NAV2: variants seen among roughly 807,000 people sequenced by gnomAD.
The protein encoded by NAV2 is neuron navigator 2.
A neutral mutation model predicts 223.2 loss-of-function variants in NAV2; 54 were observed. That is an observed-to-expected ratio of 0.24 (90% CI 0.19 to 0.30). NAV2 has a LOEUF of 0.30. NAV2 is among the 10% of genes least tolerant of loss of function. The pLI, the probability that NAV2 is intolerant of heterozygous loss-of-function variation, is 1.00. For missense variants in NAV2, 2,806 were observed against 3,147.5 expected (o/e 0.89, Z 2.60); for synonymous variants, 1,279 against 1,239.3 (o/e 1.03, Z -0.67).
intron 1 of NAV2, among the ~76,000 whole-genome samples, chr11:19,541,291 C>A (rs937075342): frequency 1.3e-5 from 2 of 152,168 alleles, no homozygotes; most frequent in Non-Finnish European, 2.9e-5. Context: ...ACTATCCCAC[C>A]CTTTCTACCA....
At chr11:19,501,558 G>A (rs1334158578) in intron 1 of NAV2, among the ~76,000 whole-genome samples, 1 of 151,968 alleles carries the variant, frequency 6.6e-6, no homozygotes, top group Non-Finnish European at 1.5e-5. Context: ...AGGCAGAGTC[G>A]CCTTTGAGTA....
chr11:19,925,475 G>A (rs2044662112), intron 6 of NAV2, among the ~76,000 whole-genome samples: 1 of 152,190 alleles, frequency 6.6e-6, no homozygotes, highest in Non-Finnish European at 1.5e-5. Flanking sequence ...TCCAGGCCGG[G>A]TGTGGTGGCT....
At chr11:20,114,326 G>A in intron 36 of NAV2, 1 of 535,250 alleles carries the variant, frequency 1.9e-6, no homozygotes, top group South Asian at 2.3e-5. Context: ...GTCACACGGT[G>A]AGTCAGTGGC....
rs1807065011 is a variant in NAV2 at position 20,048,938 on chromosome 11, C to T, written c.4113C>T (p.Pro1371=). ...ACCAGTCTCCGCTAGCCTCCAGCCC[C>T]AGCTCAGCCCACTCGGCCCCTTCCA... The part of the protein sequence containing the change: ...DLNQSPLASS[P]SSAHSAPSNS... Residue 1371 remains proline, a synonymous_variant, in exon 15 of 38, where the codon CCC becomes CCT. Transcript: ENST00000349880. The T allele has an allele frequency of 6.2e-7, 1 of 1,614,070 alleles. No individual in the cohort carries two copies. Among genetic ancestry groups the T allele is most frequent in the Admixed American group, 1.7e-5 (1 of 60,008 alleles).
rs189596814 is a variant in NAV2, at chr11:19,980,685, T to C, written c.2646-3440T>C. On this transcript the variant is annotated intron_variant, in intron 10 of 37. Coordinates refer to ENST00000349880, the MANE Select transcript of NAV2 (RefSeq NM_145117.5). ...TAAGGCCTTCACTTTGTTAAGGCAG[T>C]CTATATTGATGTATACAATAGCCAA... Among the ~76,000 whole-genome samples the C allele has an allele frequency of 1.1e-3, 169 of 152,368 alleles. 2 individuals carry two copies. The highest frequency in any genetic ancestry group is 4.0e-3 in the African/African-American group (168 of 41,590).
At chr11:19,446,426 C>T (rs541390457) in intron 1 of NAV2, among the ~76,000 whole-genome samples, 11 of 152,140 alleles carry the variant, frequency 7.2e-5, no homozygotes, top group South Asian at 4.2e-4. Flanking sequence ...AAGGCTCAGC[C>T]GACACAGAGA....
chr11:19,509,191 G>T (rs959478286), intron 1 of NAV2, among the ~76,000 whole-genome samples: 3 of 152,218 alleles, frequency 2.0e-5, no homozygotes, highest in Non-Finnish European at 2.9e-5. Context: ...GGATGAGTGA[G>T]CGAGGCAACC....
At chr11:19,653,593 G>C (rs940882130) in intron 1 of NAV2, among the ~76,000 whole-genome samples, 3 of 152,024 alleles carry the variant, frequency 2.0e-5, no homozygotes, top group Non-Finnish European at 4.4e-5. Context: ...GTCCAATTCT[G>C]CTGCCCTGGT....
chr11:20,010,871 A>G (rs990559029), intron 11 of NAV2, among the ~76,000 whole-genome samples: 7 of 152,226 alleles, frequency 4.6e-5, no homozygotes, highest in South Asian at 2.1e-4. Context: ...AAGCCTGTGC[A>G]AGGCTTATTT....
At chr11:19,608,440 T>C (rs2046540635) in intron 1 of NAV2, among the ~76,000 whole-genome samples, 1 of 152,268 alleles carries the variant, frequency 6.6e-6, no homozygotes, top group Non-Finnish European at 1.5e-5. Flanking sequence ...ATGATACCCG[T>C]GATGTTTTTC....
At chr11:19,787,898 G>C (rs992835553) in intron 1 of NAV2, among the ~76,000 whole-genome samples, 1 of 152,028 alleles carries the variant, frequency 6.6e-6, no homozygotes, top group African/African-American at 2.4e-5. Context: ...TAGCAGGAGG[G>C]GCTCATGAGT....
chr11:19,791,452 C>T (rs934989984), intron 1 of NAV2, among the ~76,000 whole-genome samples: 6 of 152,152 alleles, frequency 3.9e-5, no homozygotes, highest in Non-Finnish European at 7.3e-5. Context: ...GGGGAGCACA[C>T]GCTGGCATGA....
intron 6 of NAV2, among the ~76,000 whole-genome samples, chr11:19,925,733 G>A (rs2044686177): frequency 6.9e-6 from 1 of 145,060 alleles, no homozygotes; most frequent in Non-Finnish European, 1.5e-5. Context: ...GGGCAACAGA[G>A]TAAGATTCTG....
intron 1 of NAV2, among the ~76,000 whole-genome samples, chr11:19,397,197 G>A (rs1849486112): frequency 6.6e-6 from 1 of 152,168 alleles, no homozygotes; most frequent in Admixed American, 6.5e-5. Flanking sequence ...TGTGTTTAGG[G>A]CTGTCAAAAG....
At chr11:20,062,184 C>T in intron 19 of NAV2, 123 bp from the exon 20 acceptor site, 1 of 598,928 alleles carries the variant, frequency 1.7e-6, no homozygotes, top group South Asian at 2.6e-5. Context: ...AAGGTTGTGT[C>T]AAGGTGAGAT....
At chr11:19,701,890 A>G (rs570977006) in intron 1 of NAV2, among the ~76,000 whole-genome samples, 5 of 152,292 alleles carry the variant, frequency 3.3e-5, no homozygotes, top group African/African-American at 4.8e-5. Flanking sequence ...CACAACTTCA[A>G]ATGCTCTCAG....
At chr11:20,105,803 C>A in intron 35 of NAV2, 76 bp downstream of exon 35, 1 of 1,178,498 alleles carries the variant, frequency 8.5e-7, no homozygotes, top group Non-Finnish European at 1.2e-6. Context: ...GCCAGGACAG[C>A]ACTTTGCAGG....
At chr11:20,056,577 A>T (rs774472072) in intron 19 of NAV2, 1 of 1,614,070 alleles carries the variant, frequency 6.2e-7, no homozygotes, top group Non-Finnish European at 8.5e-7. Context: ...CCGTCTTCAC[A>T]GCTCACTTCA....
At chr11:19,654,630 A>C (rs544190698) in intron 1 of NAV2, among the ~76,000 whole-genome samples, 16 of 152,236 alleles carry the variant, frequency 1.1e-4, no homozygotes, top group Non-Finnish European at 1.9e-4. Context: ...TGACAAAAAC[A>C]AGAAATGGGG....
Sources: gnomAD v4.1 joint callset for allele counts (sites outside exome capture counted in the v4.1 genomes callset) on GRCh38, gnomAD v4.1.1 for gene constraint, MANE v1.5 for transcripts, NCBI Gene and HGNC (gene_info 2026-07-23, HGNC 2026-07-21) for gene names.